Variants in STXBP5 observed in about 807,000 individuals in gnomAD.
STXBP5 encodes syntaxin binding protein 5, also known as syntaxin-binding protein 5.
A neutral mutation model predicts 152.4 loss-of-function variants in STXBP5; 50 were observed. That is an observed-to-expected ratio of 0.33 (90% CI 0.26 to 0.42). STXBP5 has a LOEUF of 0.42. Among genes scored for constraint, STXBP5 ranks in the 10% least tolerant of loss-of-function variants. The pLI, the probability that STXBP5 is intolerant of heterozygous loss-of-function variation, is 1.00. For missense variants in STXBP5, 1,167 were observed against 1,388.6 expected (o/e 0.84, Z 2.54); for synonymous variants, 492 against 494.7 (o/e 0.99, Z 0.07).
At chr6:147,284,211 C>T (rs943492360) in intron 8 of STXBP5, among the ~76,000 whole-genome samples, 7 of 151,998 alleles carry the variant, frequency 4.6e-5, no homozygotes, top group Admixed American at 1.3e-4. Context: ...TTTGAGTGCA[C>T]GGTAGACTTA....
intron 19 of STXBP5, among the ~76,000 whole-genome samples, chr6:147,337,345 A>C (rs942312375): frequency 1.3e-5 from 2 of 152,056 alleles, no homozygotes; most frequent in African/African-American, 2.4e-5. Flanking sequence ...TCATGAAAAA[A>C]CAATAAGCTG....
At chr6:147,241,602 C>CA (rs1778546275) in intron 4 of STXBP5, among the ~76,000 whole-genome samples, 2 of 152,012 alleles carry the variant, frequency 1.3e-5, no homozygotes, top group Non-Finnish European at 2.9e-5. Flanking sequence ...AGCTGAAATA[C>CA]TCCTATAGAT....
chr6:147,368,338 C>A (rs1373620461), intron 25 of STXBP5, among the ~76,000 whole-genome samples: 1 of 151,992 alleles, frequency 6.6e-6, no homozygotes, highest in East Asian at 1.9e-4. Context: ...GACCTAATCC[C>A]AGGAAAGTAG....
At position 147,239,209 on chromosome 6, in the gene STXBP5, T is replaced by C. The variant is rs750824788; in HGVS notation, c.370T>C (p.Leu124=). 1.5e-5 allele frequency: 24 copies of C among 1,613,732 alleles called. No homozygotes were observed. The highest frequency in any genetic ancestry group is 1.9e-5 in the Non-Finnish European group (23 of 1,179,798). ...TGCCTTGGCTGATGACACCTTACACTTATGGAATTTACGTCAGAAGAGGCC... is the reference window on the plus strand; with the variant it reads ...TGCCTTGGCTGATGACACCTTACACCTATGGAATTTACGTCAGAAGAGGCC... The part of the protein sequence containing the change: ...VSALADDTLH[L]WNLRQKRPAI... Residue 124 remains leucine (L), a synonymous_variant, in exon 4 of 28, where the codon TTA becomes CTA. Coordinates refer to ENST00000321680, the MANE Select transcript of STXBP5 (RefSeq NM_001127715.4).
chr6:147,344,637 TTTC>T (rs911613917), intron 21 of STXBP5, among the ~76,000 whole-genome samples: 1 of 152,200 alleles, frequency 6.6e-6, no homozygotes, highest in Admixed American at 6.5e-5. Context: ...TGTATCCACA[TTTC>T]TTCTTCTTAT....
At chr6:147,221,717 G>A (rs1777471255) in intron 2 of STXBP5, among the ~76,000 whole-genome samples, 1 of 150,648 alleles carries the variant, frequency 6.6e-6, no homozygotes. Flanking sequence ...TCTGCAATTT[G>A]AATATAATAT....
chr6:147,218,995 C>T (rs193279654), intron 2 of STXBP5, among the ~76,000 whole-genome samples: 5 of 152,198 alleles, frequency 3.3e-5, no homozygotes, highest in Non-Finnish European at 5.9e-5. Flanking sequence ...TGTTGAAAGG[C>T]GTGATAAGAG....
rs150350365 is a variant in STXBP5 at position 147,349,741 on chromosome 6, C to T, written c.2255-3582C>T. On this transcript the variant is annotated intron_variant, in intron 21 of 27. Transcript: ENST00000321680. ...GCTCCTGGGAGGCCAGAAGTATATC[C>T]CTGCCCTCTGGCACATTACAGACAT... Among the ~76,000 whole-genome samples the T allele has an allele frequency of 3.3e-5, 5 of 152,176 alleles. No homozygotes were observed. The East Asian group carries it at 7.7e-4, about 24-fold the overall frequency.
chr6:147,382,728 G>GT (rs1786150788), intron 26 of STXBP5, 50 bp from the exon 27 acceptor site: 6 of 1,576,516 alleles, frequency 3.8e-6, no homozygotes, highest in Non-Finnish European at 5.2e-6. Flanking sequence ...TTTTATATTA[G>GT]TAAAATGTTC....
At chr6:147,335,002 A>T (rs1389601080) in intron 19 of STXBP5, among the ~76,000 whole-genome samples, 1 of 152,104 alleles carries the variant, frequency 6.6e-6, no homozygotes, top group African/African-American at 2.4e-5. Flanking sequence ...TTACTCCCTC[A>T]CATTTTAGTG....
chr6:147,291,255 G>T, intron 9 of STXBP5, 83 bp downstream of exon 9: 2 of 1,155,036 alleles, frequency 1.7e-6, no homozygotes, highest in Non-Finnish European at 2.5e-6. Flanking sequence ...TAATTTTGAA[G>T]GCCTATTTTA....
intron 9 of STXBP5, among the ~76,000 whole-genome samples, chr6:147,295,431 G>A (rs1019995408): frequency 6.6e-6 from 1 of 152,118 alleles, no homozygotes; most frequent in Admixed American, 6.5e-5. Flanking sequence ...AGAGGTGCCT[G>A]GTGTTAATCA....
chr6:147,306,834 C>G (rs1045780693), intron 9 of STXBP5, among the ~76,000 whole-genome samples: 4 of 152,236 alleles, frequency 2.6e-5, no homozygotes, highest in Non-Finnish European at 5.9e-5. Flanking sequence ...GTCATGCTGT[C>G]TCACTATCGC....
At chr6:147,374,092 A>G (rs1276428818) in intron 26 of STXBP5, among the ~76,000 whole-genome samples, 1 of 152,234 alleles carries the variant, frequency 6.6e-6, no homozygotes, top group African/African-American at 2.4e-5. Context: ...AACTTTAAGT[A>G]AATAATGTAG....
intron 27 of STXBP5, among the ~76,000 whole-genome samples, chr6:147,384,312 A>G (rs901524028): frequency 3.6e-4 from 55 of 152,260 alleles, no homozygotes; most frequent in African/African-American, 1.3e-3. Flanking sequence ...AAGTAGGAAA[A>G]GTGTGTCATG....
At chr6:147,323,097 C>G (rs1380004729) in intron 16 of STXBP5, among the ~76,000 whole-genome samples, 1 of 143,802 alleles carries the variant, frequency 7.0e-6, no homozygotes, top group Non-Finnish European at 1.5e-5. Flanking sequence ...TTCACTGTTT[C>G]TTCTTTTCTT....
At chr6:147,219,134 A>AC (rs1375391904) in intron 2 of STXBP5, among the ~76,000 whole-genome samples, 1 of 152,148 alleles carries the variant, frequency 6.6e-6, no homozygotes, top group Non-Finnish European at 1.5e-5. Context: ...TTCGTAGTTT[A>AC]CCGACAGTGT....
intron 22 of STXBP5, among the ~76,000 whole-genome samples, chr6:147,358,360 A>G (rs901175436): frequency 2.0e-5 from 3 of 152,216 alleles, no homozygotes; most frequent in African/African-American, 7.2e-5. Flanking sequence ...GCACAGTACC[A>G]TGAGAAAGAA....
intron 4 of STXBP5, among the ~76,000 whole-genome samples, chr6:147,249,572 A>C (rs1047419502): frequency 6.6e-6 from 1 of 152,186 alleles, no homozygotes; most frequent in Admixed American, 6.5e-5. Context: ...ATTTCCAAGG[A>C]AAGTGTTGAG....
Sources: gnomAD v4.1 joint callset for allele counts (sites outside exome capture counted in the v4.1 genomes callset) on GRCh38, gnomAD v4.1.1 for gene constraint, MANE v1.5 for transcripts, NCBI Gene and HGNC (gene_info 2026-07-23, HGNC 2026-07-21) for gene names.